Variants in CUZD1 observed in about 807,000 individuals in gnomAD.
CUZD1 encodes the protein CUB and zona pellucida-like domain-containing protein 1.
CUZD1 carries 42 observed loss-of-function variants against 53.1 expected under a neutral mutation model. The ratio of observed to expected loss-of-function variants is 0.79; its 90% confidence interval spans 0.62 to 1.02. The LOEUF is 1.02. Among genes scored for constraint, CUZD1 ranks in the 50% least tolerant of loss-of-function variants. The probability of loss-of-function intolerance (pLI) is 0.00; values close to 1 mark genes in which losing one functional copy is unlikely to be tolerated. For missense variants in CUZD1, 670 were observed against 715.7 expected, an observed-to-expected ratio of 0.94 and a Z score of 0.73; for synonymous variants, 238 against 257.2, an observed-to-expected ratio of 0.93 and a Z score of 0.71.
chr10:122,842,762 A>C (rs941990378), intron 1 of CUZD1, among the ~76,000 whole-genome samples: 1 of 152,256 alleles, frequency 6.6e-6, no homozygotes, highest in Non-Finnish European at 1.5e-5. Context: ...TTACAATTCA[A>C]TAACTAAAAG....
intron 1 of CUZD1, 95 bp from the exon 2 acceptor site, chr10:122,841,423 C>T: frequency 1.1e-5 from 13 of 1,236,520 alleles, no homozygotes; most frequent in Non-Finnish European, 1.4e-5. Context: ...AATATACATA[C>T]AAGTAGGCAG....
intron 8 of CUZD1, 98 bp downstream of exon 8, chr10:122,833,574 T>C: frequency 7.8e-7 from 1 of 1,284,306 alleles, no homozygotes; most frequent in Non-Finnish European, 1.1e-6. Context: ...GCTACTATTA[T>C]AAATCTCTAA....
At chr10:122,840,213 C>T (rs764945651) in intron 2 of CUZD1, among the ~76,000 whole-genome samples, 3 of 152,190 alleles carry the variant, frequency 2.0e-5, no homozygotes, top group Admixed American at 6.5e-5. Context: ...TGGTACAGGG[C>T]TATGGTTCTC....
chr10:122,841,346 T>C lies in CUZD1; in HGVS notation c.83-18A>G, dbSNP rs2133817442. ...TGCATTGCCTGTTAGAGATCACAGA[T>C]GGCACTCAGGAAAGTCAACAGGCCC... On this transcript the variant is annotated intron_variant, in intron 1 of 8. Transcript: ENST00000392790. The C allele has an allele frequency of 6.3e-7, 1 of 1,578,690 alleles. No individual in the cohort carries two copies. Among genetic ancestry groups the C allele is most frequent in the Admixed American group, 1.8e-5 (1 of 54,430 alleles).
At chr10:122,832,479 T>C (rs780504501) in intron 8 of CUZD1, 29 bp from the exon 9 acceptor site, 1 of 1,608,560 alleles carries the variant, frequency 6.2e-7, no homozygotes, top group South Asian at 1.1e-5. Flanking sequence ...TGAAAATCAC[T>C]TTTTAAGAAG....
At chr10:122,841,060 G>T in intron 2 of CUZD1, 118 bp downstream of exon 2, 1 of 923,164 alleles carries the variant, frequency 1.1e-6, no homozygotes, top group Non-Finnish European at 1.7e-6. Context: ...CACGATGGTT[G>T]TCAGTGTCAC....
Position 122,839,020 on chromosome 10 carries a change from T to C in CUZD1, c.445A>G (p.Ile149Val), listed in dbSNP as rs140178574. Reference protein sequence around the residue: ...FVFYYFFSPNISIPNCGGYLD... With the variant: ...FVFYYFFSPNVSIPNCGGYLD... ...GGTTGTGTAAATGAGGACTTACAGA[T>C]GTTAGGAGAGAAGAAGTAGTAGAAG... is the stretch of plus-strand genomic sequence containing the variant. The change falls in exon 3 of 9, where the codon ATC becomes GTC. Residue 149 changes from isoleucine (I) to valine (V), a missense_variant. By Grantham distance (29) the Ile-to-Val change is conservative. Transcript: ENST00000392790. The C allele has an allele frequency of 9.5e-4, 1,537 of 1,612,052 alleles. 14 individuals are homozygous for C. The African/African-American group carries it at 0.017, about 18-fold the overall frequency.
Position 122,833,553 on chromosome 10 carries a change from TA to T in CUZD1, c.1651+118del, listed in dbSNP as rs1408434077. The stretch of plus-strand genomic sequence containing the variant: ...AATCCTATATACTTAAAATTCAACT[TA>T]TTTGCTAAAGCTACTATTATAAATC... On this transcript the variant is annotated intron_variant, in intron 8 of 8. Coordinates refer to ENST00000392790, the MANE Select transcript of CUZD1 (RefSeq NM_022034.6). 5 of 1,084,468 alleles carry T rather than the reference TA, an allele frequency of 4.6e-6. No homozygotes were observed. In the East Asian group the frequency reaches 1.2e-4, roughly 26 times the overall value. The allele number at this position is 1,084,468 out of a possible 1,614,324, so 67.2% of individuals were successfully genotyped here.
intron 1 of CUZD1, among the ~76,000 whole-genome samples, chr10:122,842,648 C>G (rs1353486985): frequency 6.6e-6 from 1 of 152,056 alleles, no homozygotes; most frequent in Non-Finnish European, 1.5e-5. Context: ...ATTTAACATT[C>G]TTACTGGGAT....
intron 1 of CUZD1, among the ~76,000 whole-genome samples, chr10:122,845,503 T>G (rs1589665118): frequency 6.6e-6 from 1 of 152,214 alleles, no homozygotes; most frequent in East Asian, 1.9e-4. Flanking sequence ...TTTGGACACT[T>G]TTATGCTTAT....
Position 122,833,749 on chromosome 10 carries a change from G to A in CUZD1, c.1574C>T (p.Ser525Phe). The A allele has an allele frequency of 6.2e-7, 1 of 1,613,948 alleles. No homozygotes were observed. Among genetic ancestry groups the A allele is most frequent in the East Asian group, 2.2e-5 (1 of 44,874 alleles). Residue 525 changes from serine (S) to phenylalanine (F), a missense_variant, in exon 8 of 9, where the codon TCT (serine) becomes TTT (phenylalanine). Physicochemically the swap from Ser to Phe is radical, Grantham distance 155. Coordinates refer to ENST00000392790, the MANE Select transcript of CUZD1 (RefSeq NM_022034.6). ...GCVSRSKRDI[S>F]SYKWKTDSII... ...GGAATCTGTTTTCCATTTATATGAA[G>A]AAATGTCTCGTTTGCTTCTGGAGAC...
chr10:122,832,390 A>T lies in CUZD1; in HGVS notation c.1712T>A (p.Leu571Gln), dbSNP rs1157587303. The T allele has an allele frequency of 5.0e-6, 8 of 1,614,202 alleles. No individual in the cohort carries two copies. The highest frequency in any genetic ancestry group is 6.8e-6 in the Non-Finnish European group (8 of 1,180,010). ...TPNQPFNSVHLFSFMVLALNV... is the reference protein window; with the variant it reads ...TPNQPFNSVHQFSFMVLALNV... ...CAGAGCTAGAACCATGAAGGAAAACAGATGCACACTGTTGAAAGGCTGGTT... is the reference window on the plus strand; with the variant it reads ...CAGAGCTAGAACCATGAAGGAAAACTGATGCACACTGTTGAAAGGCTGGTT... The change falls in exon 9 of 9, where the codon CTG becomes CAG. Residue 571 changes from leucine to glutamine, a missense_variant. Coordinates refer to ENST00000392790, the MANE Select transcript of CUZD1 (RefSeq NM_022034.6).
At chr10:122,838,756 G>A (rs535678277) in intron 3 of CUZD1, among the ~76,000 whole-genome samples, 34 of 152,260 alleles carry the variant, frequency 2.2e-4, no homozygotes, top group South Asian at 1.9e-3. Flanking sequence ...CCTCATCTGG[G>A]AGCTAGTTAG....
chr10:122,835,768 T>G (rs1404969935), intron 6 of CUZD1, among the ~76,000 whole-genome samples: 2 of 152,178 alleles, frequency 1.3e-5, no homozygotes. Flanking sequence ...TTAAATGGGT[T>G]TTTTTAAATG....
chr10:122,840,469 T>C (rs560182568), intron 2 of CUZD1, among the ~76,000 whole-genome samples: 7 of 152,300 alleles, frequency 4.6e-5, no homozygotes, highest in African/African-American at 1.7e-4. Context: ...TATCCCATTT[T>C]TATTATTTTT....
At chr10:122,843,503 T>A (rs1847377386) in intron 1 of CUZD1, among the ~76,000 whole-genome samples, 1 of 152,212 alleles carries the variant, frequency 6.6e-6, no homozygotes. Context: ...AGTTTGTACA[T>A]GTTCTGTAAC....
intron 7 of CUZD1, 79 bp downstream of exon 7, chr10:122,834,626 CA>C: frequency 8.0e-7 from 1 of 1,243,280 alleles, no homozygotes; most frequent in Non-Finnish European, 1.1e-6. Flanking sequence ...TATATATACA[CA>C]ACACAAAAAA....
intron 1 of CUZD1, among the ~76,000 whole-genome samples, chr10:122,844,719 T>G (rs1847409265): frequency 6.6e-6 from 1 of 152,146 alleles, no homozygotes; most frequent in African/African-American, 2.4e-5. Context: ...TTTTTAAAAA[T>G]TATTTGGTAA....
chr10:122,845,687 G>T, intron 1 of CUZD1, 75 bp downstream of exon 1: 1 of 1,309,322 alleles, frequency 7.6e-7, no homozygotes, highest in Non-Finnish European at 1.1e-6. Context: ...TAAACACTTT[G>T]AAAAATTTTG....
Sources: gnomAD v4.1 joint callset for allele counts (sites outside exome capture counted in the v4.1 genomes callset) on GRCh38, gnomAD v4.1.1 for gene constraint, MANE v1.5 for transcripts, NCBI Gene and HGNC (gene_info 2026-07-23, HGNC 2026-07-21) for gene names.